CNEP1R1: variants seen among roughly 807,000 people sequenced by gnomAD.
The protein encoded by CNEP1R1 is CTD nuclear envelope phosphatase 1 regulatory subunit 1.
CNEP1R1 carries 10 observed loss-of-function variants against 22.7 expected under a neutral mutation model. The observed-to-expected ratio is 0.44, with a 90% CI of 0.27 to 0.75. The LOEUF (loss-of-function observed/expected upper bound fraction) is 0.75. CNEP1R1 is among the 30% of genes least tolerant of loss of function. The pLI, the probability that CNEP1R1 is intolerant of heterozygous loss-of-function variation, is 0.17. For missense variants in CNEP1R1, 73 were observed against 151.5 expected (o/e 0.48, Z 2.72); for synonymous variants, 53 against 50.1 (o/e 1.06, Z -0.25).
In CNEP1R1 at chr16:50,035,617, G is replaced by A; in HGVS notation, c.*159G>A. 1 of 585,464 alleles carries A rather than the reference G, an allele frequency of 1.7e-6. No homozygotes were observed. Among genetic ancestry groups the A allele is most frequent in the South Asian group, 2.2e-5 (1 of 46,252 alleles). The allele number at this position is 585,464 out of a possible 1,614,324, so 36.3% of individuals were successfully genotyped here. On this transcript the variant is annotated 3_prime_UTR_variant, in exon 6 of 6. Coordinates refer to ENST00000427478, the MANE Select transcript of CNEP1R1 (RefSeq NM_001281789.2). The stretch of plus-strand genomic sequence containing the variant: ...ATTTACCTGGATTATCTTGATGATG[G>A]TGACTCATTATCAGTGCTTTGGTAC...
chr16:50,026,444 A>G lies in CNEP1R1; in HGVS notation c.74A>G (p.Gln25Arg). The change falls in exon 2 of 6, where the codon CAA becomes CGA. Residue 25 changes from glutamine (Q) to arginine (R), a missense_variant. Coordinates refer to ENST00000427478, the MANE Select transcript of CNEP1R1 (RefSeq NM_001281789.2). ...RRLTEYIHCL[Q>R]PATGRWRMLL... is the part of the protein sequence containing the mutation. ...CTTACTGAATATATTCATTGTTTGC[A>G]ACCTGCTACTGGACGCTGGAGAAGT... The G allele has an allele frequency of 6.2e-7, 1 of 1,610,682 alleles. No homozygotes were observed. The highest frequency in any genetic ancestry group is 8.5e-7 in the Non-Finnish European group (1 of 1,178,256).
intron 1 of CNEP1R1, chr16:50,025,613 A>G (rs755288505): frequency 1.1e-5 from 18 of 1,583,850 alleles, no homozygotes; most frequent in Non-Finnish European, 1.4e-5. Flanking sequence ...CACTTCGTGC[A>G]TTGCAGCCTG....
rs2036173005 is a variant in CNEP1R1 at position 50,025,537 on chromosome 16, C to G, written c.25+197C>G. On this transcript the variant is annotated intron_variant, in intron 1 of 5. Coordinates refer to ENST00000427478, the MANE Select transcript of CNEP1R1 (RefSeq NM_001281789.2). ...GGTGCCTCAGCTCCCTGAGTCCCCACAAACCTAGAGGGTCGACCTCCTCGC... is the reference window on the plus strand; with the variant it reads ...GGTGCCTCAGCTCCCTGAGTCCCCAGAAACCTAGAGGGTCGACCTCCTCGC... 137 of 1,174,754 alleles carry G rather than the reference C, an allele frequency of 1.2e-4. 1 individual carries two copies. The South Asian group carries it at 1.6e-3, about 13-fold the overall frequency. 72.8% of individuals were successfully genotyped at this position (1,174,754 alleles called of 1,614,324 possible).
At chr16:50,026,706 A>G (rs1476451895) in intron 2 of CNEP1R1, 2 of 453,146 alleles carry the variant, frequency 4.4e-6, no homozygotes, top group Non-Finnish European at 8.1e-6. Context: ...CAGGCGCCGT[A>G]GCTCACGCCT....
intron 2 of CNEP1R1, among the ~76,000 whole-genome samples, chr16:50,027,169 C>G (rs927773525): frequency 6.6e-6 from 1 of 151,890 alleles, no homozygotes; most frequent in Non-Finnish European, 1.5e-5. Context: ...TTTGGGAGGC[C>G]GAGGCTGGAG....
At position 50,029,706 on chromosome 16, in the gene CNEP1R1, C is replaced by T. The variant is rs147429367; in HGVS notation, c.98-19C>T. On this transcript the variant is annotated intron_variant, in intron 2 of 5. Transcript: ENST00000427478. ...TAAGTATGTATTTGCTTACTAATTT[C>T]GTGTTTATCTTTCATCAGTGCTTCT... The T allele has an allele frequency of 3.3e-5, 51 of 1,533,770 alleles. No homozygotes were observed. The highest frequency in any genetic ancestry group is 4.5e-5 in the Non-Finnish European group (50 of 1,112,040).
chr16:50,031,838 G>A (rs1227553720), intron 3 of CNEP1R1, among the ~76,000 whole-genome samples: 1 of 152,122 alleles, frequency 6.6e-6, no homozygotes, highest in African/African-American at 2.4e-5. Context: ...GGAGAGAACT[G>A]CTGTTTCAAT....
intron 1 of CNEP1R1, 46 bp from the exon 2 acceptor site, chr16:50,026,350 G>A: frequency 7.3e-7 from 1 of 1,368,232 alleles, no homozygotes. Context: ...CATTTCGTCA[G>A]ACGAGTAAGA....
rs1320365063 is a variant in CNEP1R1 at position 50,035,584 on chromosome 16, T to C, written c.*126T>C. 4.6e-6 allele frequency: 3 copies of C among 657,312 alleles called. No homozygotes were observed. The highest frequency in any genetic ancestry group is 2.6e-6 in the Non-Finnish European group (1 of 377,760). 40.7% of individuals were successfully genotyped at this position (657,312 alleles called of 1,614,324 possible). A position where few individuals can be genotyped will look rare whatever the true frequency, so the allele number is the denominator to read the frequency against. On this transcript the variant is annotated 3_prime_UTR_variant, in exon 6 of 6. Transcript: ENST00000427478. The stretch of plus-strand genomic sequence containing the variant: ...GGTCATAGCAGCAACTGACAAGAAG[T>C]GTGCAATATTTACCTGGATTATCTT...
chr16:50,035,180 C>T (rs1401491712), intron 5 of CNEP1R1, among the ~76,000 whole-genome samples: 1 of 151,674 alleles, frequency 6.6e-6, no homozygotes, highest in Admixed American at 6.6e-5. Flanking sequence ...AGCAAGACAC[C>T]GTCTCTACAA....
At chr16:50,032,418 T>G (rs2036238561) in intron 3 of CNEP1R1, among the ~76,000 whole-genome samples, 1 of 152,238 alleles carries the variant, frequency 6.6e-6, no homozygotes, top group African/African-American at 2.4e-5. Flanking sequence ...AGCCCTTTCT[T>G]TCTCCTTCGT....
At chr16:50,035,003 C>T (rs964247692) in intron 5 of CNEP1R1, among the ~76,000 whole-genome samples, 9 of 152,206 alleles carry the variant, frequency 5.9e-5, no homozygotes, top group African/African-American at 1.9e-4. Context: ...ATAAAAGTGT[C>T]TTAGCCTTCA....
intron 2 of CNEP1R1, among the ~76,000 whole-genome samples, chr16:50,027,017 G>A (rs1263307798): frequency 6.6e-6 from 1 of 152,088 alleles, no homozygotes; most frequent in Non-Finnish European, 1.5e-5. Context: ...AATTATTACA[G>A]TTTTGATAAA....
intron 1 of CNEP1R1, 198 bp from the exon 2 acceptor site, chr16:50,026,198 G>T (rs910860654): frequency 4.2e-6 from 2 of 475,382 alleles, no homozygotes; most frequent in Non-Finnish European, 7.5e-6. Flanking sequence ...GAATTAAAGA[G>T]CCCTAATTTT....
chr16:50,025,269 C>T lies in CNEP1R1; in HGVS notation c.-47C>T. 1.4e-6 allele frequency: 2 copies of T among 1,388,672 alleles called. No individual in the cohort carries two copies. The highest frequency in any genetic ancestry group is 1.9e-6 in the Non-Finnish European group (2 of 1,076,878). 86.0% of individuals were successfully genotyped at this position (1,388,672 alleles called of 1,614,324 possible). ...GCGGGCCGGGCGGGGGCCGCGGAAG[C>T]TGCGATGCGGACAGGGCAGCGGCGG... On this transcript the variant is annotated 5_prime_UTR_variant, in exon 1 of 6. Transcript: ENST00000427478.
intron 2 of CNEP1R1, 121 bp from the exon 3 acceptor site, chr16:50,029,604 G>A: frequency 1.8e-6 from 1 of 552,620 alleles, no homozygotes; most frequent in Non-Finnish European, 3.3e-6. Context: ...AGTCTAGTTA[G>A]TGCATTTTCC....
rs1420831779 is a variant in CNEP1R1, at chr16:50,026,404, G to A, written c.34G>A (p.Ala12Thr). The stretch of plus-strand genomic sequence containing the variant: ...GACATCTTTATACCTAGATCTCAAG[G>A]CTTTTGAGAGGAGACTTACTGAATA... Reference protein sequence around the residue: ...NSLEQAEDLKAFERRLTEYIH... With the variant: ...NSLEQAEDLKTFERRLTEYIH... The change falls in exon 2 of 6, where the codon GCT becomes ACT. Residue 12 changes from alanine to threonine, a missense_variant. By Grantham distance (58) the Ala-to-Thr change is moderately conservative (BLOSUM62 0). Transcript: ENST00000427478. 7.5e-6 allele frequency: 12 copies of A among 1,607,318 alleles called. No homozygotes were observed. The highest frequency in any genetic ancestry group is 1.0e-5 in the Non-Finnish European group (12 of 1,176,090).
rs1191486719 is a variant in CNEP1R1 at position 50,025,274 on chromosome 16, A to T, written c.-42A>T. Reference sequence around the variant, plus strand: ...CCGGGCGGGGGCCGCGGAAGCTGCGATGCGGACAGGGCAGCGGCGGTGACC... The same window carrying T: ...CCGGGCGGGGGCCGCGGAAGCTGCGTTGCGGACAGGGCAGCGGCGGTGACC... On this transcript the variant is annotated 5_prime_UTR_variant, in exon 1 of 6. The change abolishes an upstream ATG in the 5' untranslated region. Transcript: ENST00000427478. 2.9e-6 allele frequency: 4 copies of T among 1,391,604 alleles called. No individual in the cohort carries two copies. The highest frequency in any genetic ancestry group is 3.7e-6 in the Non-Finnish European group (4 of 1,078,048). 86.2% of individuals were successfully genotyped at this position (1,391,604 alleles called of 1,614,324 possible).
chr16:50,028,534 C>G (rs745433313), intron 2 of CNEP1R1, among the ~76,000 whole-genome samples: 1 of 152,024 alleles, frequency 6.6e-6, no homozygotes. Flanking sequence ...TCTGGTTTAC[C>G]TAGGAATTAT....
Sources: gnomAD v4.1 joint callset for allele counts (sites outside exome capture counted in the v4.1 genomes callset) on GRCh38, gnomAD v4.1.1 for gene constraint, MANE v1.5 for transcripts, NCBI Gene and HGNC (gene_info 2026-07-23, HGNC 2026-07-21) for gene names.